Variants in GLO1 observed in about 807,000 individuals in gnomAD.
GLO1 encodes the protein lactoylglutathione lyase.
In GLO1, 28 loss-of-function variants were observed where a neutral mutation model predicts 26.0. The observed-to-expected ratio is 1.08, with a 90% CI of 0.80 to 1.48. GLO1 has a LOEUF of 1.48. Among genes scored for constraint, GLO1 ranks in the 40% most tolerant of loss-of-function variants. The pLI is 0.00. For synonymous variants in GLO1, 78 were observed against 77.6 expected (o/e 1.00, Z -0.03); for missense variants, 225 against 224.8 (o/e 1.00, Z -0.01).
chr6:38,684,680 G>T (rs2471999), intron 2 of GLO1, among the ~76,000 whole-genome samples, 166 bp from the exon 3 acceptor site: 88,497 of 151,972 alleles, frequency 0.58, 26,297 homozygotes, highest in African/African-American at 0.69. Context: ...AAAATATCAT[G>T]AAAAATGCAT....
At chr6:38,686,503 C>T (rs1476573697) in intron 2 of GLO1, among the ~76,000 whole-genome samples, 1 of 152,142 alleles carries the variant, frequency 6.6e-6, no homozygotes, top group Non-Finnish European at 1.5e-5. Flanking sequence ...AAAAATAGAA[C>T]AGATGGTCAG....
chr6:38,693,652 C>A lies in GLO1; in HGVS notation c.85-6678G>T, dbSNP rs1009470608. Among the ~76,000 whole-genome samples the A allele has an allele frequency of 3.7e-5, 5 of 136,000 alleles. No homozygotes were observed. In the East Asian group the frequency reaches 1.1e-3, roughly 31 times the overall value. The allele number at this position is 136,000 out of a possible 152,430, so 89.2% of individuals were successfully genotyped here. A position where few individuals can be genotyped will look rare whatever the true frequency, so the allele number is the denominator to read the frequency against. ...TTAGCTATGATCCCTTTTTCATTTTCATTCAGCTCTCTCTCTCTCTCTCTC... is the reference window on the plus strand; with the variant it reads ...TTAGCTATGATCCCTTTTTCATTTTAATTCAGCTCTCTCTCTCTCTCTCTC... On this transcript the variant is annotated intron_variant, in intron 1 of 5. Transcript: ENST00000373365.
At chr6:38,690,228 T>G (rs916166648) in intron 1 of GLO1, among the ~76,000 whole-genome samples, 1 of 152,310 alleles carries the variant, frequency 6.6e-6, no homozygotes. Context: ...TCAAAGAAAC[T>G]AATACATGTA....
At chr6:38,678,767 T>A (rs909008797) in intron 5 of GLO1, among the ~76,000 whole-genome samples, 1 of 152,182 alleles carries the variant, frequency 6.6e-6, no homozygotes, top group African/African-American at 2.4e-5. Flanking sequence ...AATAACACTA[T>A]CGGAAGTGTC....
intron 5 of GLO1, among the ~76,000 whole-genome samples, chr6:38,677,797 T>C (rs1761284769): frequency 6.6e-6 from 1 of 152,168 alleles, no homozygotes; most frequent in African/African-American, 2.4e-5. Context: ...TTTTAAAAAT[T>C]CTTATTGTCA....
At position 38,703,035 on chromosome 6, in the gene GLO1, G is replaced by T; in HGVS notation, c.20C>A (p.Pro7Gln). 1 of 1,590,296 alleles carries T rather than the reference G, an allele frequency of 6.3e-7. No individual in the cohort carries two copies. The highest frequency in any genetic ancestry group is 8.6e-7 in the Non-Finnish European group (1 of 1,163,776). The stretch of plus-strand genomic sequence containing the variant: ...GGCCTCGTCCGTGAGGCCGCCGGAC[G>T]GGGGCTGCGGTTCTGCCATGGCTGC... MAEPQP[P>Q]SGGLTDEAAL... Residue 7 changes from proline (P) to glutamine (Q), a missense_variant, in exon 1 of 6, where the codon CCG (proline) becomes CAG (glutamine). Coordinates refer to ENST00000373365, the MANE Select transcript of GLO1 (RefSeq NM_006708.3).
rs371576917 is a variant in GLO1, at chr6:38,684,407, G to A, written c.275C>T (p.Ala92Val). 23 of 1,560,694 alleles carry A rather than the reference G, an allele frequency of 1.5e-5. No homozygotes were observed. Among genetic ancestry groups the A allele is most frequent in the African/African-American group, 2.8e-5 (2 of 72,464 alleles). Reference protein sequence around the residue: ...PKEKDEKIAWALSRKATLELT... With the variant: ...PKEKDEKIAWVLSRKATLELT... ...CTCAAGTGTAGCTTTTCTGGAGAGC[G>A]CCCAGGCTATTTTTTCATCTTTTTC... Residue 92 changes from alanine (A) to valine (V), a missense_variant, in exon 3 of 6, where the codon GCG becomes GTG. Ala to Val is a moderately conservative substitution (Grantham distance 64). Transcript: ENST00000373365.
At chr6:38,687,080 C>A (rs1761470724) in intron 1 of GLO1, 106 bp from the exon 2 acceptor site, 1 of 1,479,094 alleles carries the variant, frequency 6.8e-7, no homozygotes, top group Non-Finnish European at 9.0e-7. Context: ...AACCTACCAC[C>A]TACAACTTGC....
intron 1 of GLO1, among the ~76,000 whole-genome samples, chr6:38,701,204 C>T (rs773701495): frequency 5.3e-5 from 8 of 152,186 alleles, no homozygotes; most frequent in African/African-American, 1.4e-4. Flanking sequence ...CACTCAACAC[C>T]TCTATGTGCC....
intron 1 of GLO1, among the ~76,000 whole-genome samples, chr6:38,702,309 G>C (rs1055779786): frequency 6.6e-6 from 1 of 152,188 alleles, no homozygotes; most frequent in African/African-American, 2.4e-5. Context: ...GACATGTTCG[G>C]TAAGTGAAAG....
At chr6:38,687,241 G>T in intron 1 of GLO1, 1 of 250,516 alleles carries the variant, frequency 4.0e-6, no homozygotes, top group Non-Finnish European at 6.3e-6. Context: ...CAATTCAGAG[G>T]CAGGTACCAC....
intron 1 of GLO1, among the ~76,000 whole-genome samples, chr6:38,688,534 GC>G (rs1267806106): frequency 2.0e-5 from 3 of 152,172 alleles, no homozygotes; most frequent in Admixed American, 6.5e-5. Flanking sequence ...TTCTTTCCCA[GC>G]TAATATGAGT....
intron 1 of GLO1, 193 bp from the exon 2 acceptor site, chr6:38,687,167 A>ATTCTCTCTAGTCTGCTTTGGGGCTACC: frequency 1.1e-6 from 1 of 895,958 alleles, no homozygotes; most frequent in African/African-American, 1.8e-5. Context: ...GAAAGTTTCC[A>ATTCTCTCTAGTCTGCTTTGGGGCTACC]CTGCAGGAAT....
chr6:38,684,979 AAAG>A (rs1384350502), intron 2 of GLO1, among the ~76,000 whole-genome samples: 7 of 152,226 alleles, frequency 4.6e-5, no homozygotes, highest in African/African-American at 1.7e-4. Flanking sequence ...AGGTGGTAAG[AAAG>A]AAGGAGGAAG....
At chr6:38,681,931 T>C in intron 5 of GLO1, 81 bp downstream of exon 5, 1 of 773,992 alleles carries the variant, frequency 1.3e-6, no homozygotes, top group Non-Finnish European at 2.4e-6. Context: ...CCAAAAGGGT[T>C]TTACTACAAC....
At chr6:38,682,150 T>C in intron 4 of GLO1, 49 bp from the exon 5 acceptor site, 2 of 991,974 alleles carry the variant, frequency 2.0e-6, no homozygotes, top group Admixed American at 1.7e-5. Context: ...GAAATAATTA[T>C]AACAGGGTGT....
intron 1 of GLO1, among the ~76,000 whole-genome samples, chr6:38,697,501 C>T (rs1421826384): frequency 6.6e-6 from 1 of 152,176 alleles, no homozygotes; most frequent in Non-Finnish European, 1.5e-5. Flanking sequence ...GGCAGAACTT[C>T]TAGAATTTCC....
intron 3 of GLO1, 112 bp downstream of exon 3, chr6:38,684,262 T>C: frequency 7.4e-6 from 3 of 405,270 alleles, no homozygotes; most frequent in Non-Finnish European, 1.2e-5. Context: ...AAATGTGAAG[T>C]CATAGGCAGA....
chr6:38,695,650 G>A (rs1761600176), intron 1 of GLO1, among the ~76,000 whole-genome samples: 2 of 152,176 alleles, frequency 1.3e-5, no homozygotes, highest in South Asian at 2.1e-4. Flanking sequence ...GGGAAGGCTG[G>A]GCAGCTCATT....
Sources: allele counts gnomAD v4.1 joint callset (sites outside exome capture counted in the v4.1 genomes callset), GRCh38; gene constraint gnomAD v4.1.1; transcripts MANE v1.5; gene names NCBI Gene and HGNC (gene_info 2026-07-23, HGNC 2026-07-21).